GSDMC: variants seen among roughly 807,000 people sequenced by gnomAD.
GSDMC encodes gasdermin C.
GSDMC carries 59 observed loss-of-function variants against 58.0 expected under a neutral mutation model. The ratio of observed to expected loss-of-function variants is 1.02; its 90% CI spans 0.82 to 1.26. The LOEUF (loss-of-function observed/expected upper bound fraction) is 1.26, where lower values mean the gene tolerates loss of function less well. GSDMC is among the 50% of genes most tolerant of loss of function. GSDMC has a pLI of 0.00. For missense variants in GSDMC, 659 were observed against 598.5 expected, an observed-to-expected ratio of 1.10 and a Z score of -1.06; for synonymous variants, 241 against 220.2, an observed-to-expected ratio of 1.09 and a Z score of -0.83.
At chr8:129,737,087 T>C in the GSDMC span, among the ~76,000 whole-genome samples, 5,287 of 152,208 alleles carry the variant, frequency 0.035, 137 homozygotes, top group Middle Eastern at 0.061. Flanking sequence ...TTACAAGGGA[T>C]GTGAAGGACC....
intron 1 of GSDMC, among the ~76,000 whole-genome samples, chr8:129,781,232 G>A (rs2034397810): frequency 6.6e-6 from 1 of 152,020 alleles, no homozygotes; most frequent in South Asian, 2.1e-4. Flanking sequence ...TAAAGACATA[G>A]AGTGGTTGAA....
the GSDMC span, among the ~76,000 whole-genome samples, chr8:129,740,969 G>A: frequency 3.3e-5 from 5 of 151,966 alleles, no homozygotes; most frequent in East Asian, 1.9e-4. Context: ...TAGCCTTGCC[G>A]TTTCAAGTCT....
chr8:129,780,120 GTAGAAAATAGCCTCAAAAGGGCAA>G (rs1344233821), intron 1 of GSDMC, among the ~76,000 whole-genome samples: 19 of 152,238 alleles, frequency 1.2e-4, no homozygotes, highest in South Asian at 6.2e-4. Flanking sequence ...GCTACAAGAT[GTAGAAAATAGCCTCAAAAGGGCAA>G]TAGAAAATAG....
the GSDMC span, among the ~76,000 whole-genome samples, chr8:129,713,694 T>C: frequency 6.6e-6 from 1 of 152,094 alleles, no homozygotes; most frequent in Non-Finnish European, 1.5e-5. Context: ...AAATACTGTC[T>C]TTCAGGGGGT....
chr8:129,741,947 A>AT, the GSDMC span, among the ~76,000 whole-genome samples: 1 of 98,936 alleles, frequency 1.0e-5, no homozygotes, highest in African/African-American at 6.3e-5. Context: ...TACATGAAAT[A>AT]ATATTCAGCC....
At chr8:129,725,685 G>T in the GSDMC span, among the ~76,000 whole-genome samples, 14 of 152,026 alleles carry the variant, frequency 9.2e-5, no homozygotes, top group Non-Finnish European at 2.1e-4. Flanking sequence ...TTCAAGAAAA[G>T]CTTGTTGGGC....
At chr8:129,730,162 C>A in the GSDMC span, 2 of 1,058,816 alleles carry the variant, frequency 1.9e-6, no homozygotes, top group Non-Finnish European at 2.6e-6. Context: ...AAAGAGCTGG[C>A]TATGAAAAAG....
chr8:129,747,428 C>G (rs1383995000), downstream of GSDMC, among the ~76,000 whole-genome samples: 1 of 152,020 alleles, frequency 6.6e-6, no homozygotes, highest in Non-Finnish European at 1.5e-5. Flanking sequence ...AAAGTAAACA[C>G]TGTTTAAAAG....
At chr8:129,758,017 T>C (rs564785612) in intron 6 of GSDMC, among the ~76,000 whole-genome samples, 10 of 152,046 alleles carry the variant, frequency 6.6e-5, no homozygotes, top group African/African-American at 1.4e-4. Flanking sequence ...AAGAATTCAT[T>C]ATGAGCAAGT....
intron 6 of GSDMC, among the ~76,000 whole-genome samples, chr8:129,756,772 T>C (rs1023757212): frequency 2.6e-5 from 4 of 151,954 alleles, no homozygotes; most frequent in African/African-American, 9.7e-5. Context: ...ACCATACAAA[T>C]ACATGGAAAT....
Position 129,750,539 on chromosome 8 carries a change from C to T in GSDMC, c.975G>A (p.Gln325=). Residue 325 remains glutamine, a synonymous_variant, in exon 11 of 14, where the codon CAG becomes CAA. Coordinates refer to ENST00000276708, the MANE Select transcript of GSDMC (RefSeq NM_031415.3). The part of the protein sequence containing the change: ...NFKHLQEEVF[Q]KIKTLAQLSK... Reference sequence around the variant, plus strand: ...AGAGCTGAGCCAGTGTCTTTATTTTCTGGAAAACCTCCTCTTGTAGATGCT... The same window carrying T: ...AGAGCTGAGCCAGTGTCTTTATTTTTTGGAAAACCTCCTCTTGTAGATGCT... The T allele has an allele frequency of 1.2e-6, 2 of 1,614,034 alleles. No homozygotes were observed. Among genetic ancestry groups the T allele is most frequent in the Non-Finnish European group, 1.7e-6 (2 of 1,179,930 alleles).
At chr8:129,745,329 T>G (rs2032937385), downstream of GSDMC, among the ~76,000 whole-genome samples, 1 of 152,234 alleles carries the variant, frequency 6.6e-6, no homozygotes, top group Non-Finnish European at 1.5e-5. Context: ...TCTTCTTTGA[T>G]GTTCTCTCCT....
chr8:129,750,081 AC>A lies in GSDMC; in HGVS notation c.1121del (p.Gly374ValfsTer5). 6.2e-7 allele frequency: 1 copy of A among 1,600,236 alleles called. No homozygotes were observed. The highest frequency in any genetic ancestry group is 1.3e-5 in the African/African-American group (1 of 74,288). On this transcript the variant is annotated frameshift_variant, in exon 12 of 14. Coordinates refer to ENST00000276708, the MANE Select transcript of GSDMC (RefSeq NM_031415.3). LOFTEE classifies it high-confidence loss of function. ...LDSSGHLDGPGGAILKKLQQD... is the reference protein window; with the variant it reads ...LDSSGHLDGPXGAILKKLQQD... ...GTTGAAGTTTCTTTAGGATGGCACCACCAGGGCCATCCAAATGACCTGAGCT... is the reference window on the plus strand; with the variant it reads ...GTTGAAGTTTCTTTAGGATGGCACCACAGGGCCATCCAAATGACCTGAGCT...
chr8:129,712,340 C>G, the GSDMC span, among the ~76,000 whole-genome samples: 3 of 152,118 alleles, frequency 2.0e-5, no homozygotes, highest in Non-Finnish European at 4.4e-5. Context: ...CCAGGATAGT[C>G]TAAGACTTGA....
chr8:129,782,859 T>C (rs973206716), intron 1 of GSDMC, among the ~76,000 whole-genome samples: 1 of 151,714 alleles, frequency 6.6e-6, no homozygotes, highest in Non-Finnish European at 1.5e-5. Flanking sequence ...ACTCATTCTA[T>C]GAGGCCAATA....
At chr8:129,766,899 C>T (rs1410809017) in intron 3 of GSDMC, among the ~76,000 whole-genome samples, 2 of 152,166 alleles carry the variant, frequency 1.3e-5, no homozygotes, top group Admixed American at 6.5e-5. Flanking sequence ...AGGGCATCGG[C>T]AGGACTAGAC....
At chr8:129,723,170 C>CT in the GSDMC span, 9 of 152,234 alleles carry the variant, frequency 5.9e-5, no homozygotes. Flanking sequence ...GTCCCAGGGT[C>CT]TTCTGACCTT....
At chr8:129,710,170 T>C in the GSDMC span, among the ~76,000 whole-genome samples, 5 of 152,258 alleles carry the variant, frequency 3.3e-5, no homozygotes, top group African/African-American at 1.2e-4. Flanking sequence ...TCCACTAGAA[T>C]GCCAGCAGGG....
chr8:129,723,820 G>A, the GSDMC span, among the ~76,000 whole-genome samples: 8 of 152,194 alleles, frequency 5.3e-5, no homozygotes, highest in Non-Finnish European at 1.2e-4. Flanking sequence ...AATTACTCTA[G>A]AAAATACTAC....
Sources: allele counts gnomAD v4.1 joint callset (sites outside exome capture counted in the v4.1 genomes callset), GRCh38; gene constraint gnomAD v4.1.1; transcripts MANE v1.5; gene names NCBI Gene and HGNC (gene_info 2026-07-23, HGNC 2026-07-21).